ACKR3: variants seen among roughly 807,000 people sequenced by gnomAD.
ACKR3 encodes the protein C-X-C chemokine receptor type 7.
ACKR3 carries 6 observed loss-of-function variants against 22.4 expected under a neutral mutation model. The ratio of observed to expected loss-of-function variants is 0.27; its 90% confidence interval spans 0.15 to 0.53. ACKR3 has a LOEUF of 0.53. Among genes scored for constraint, ACKR3 ranks in the 20% least tolerant of loss-of-function variants. The pLI, the probability that ACKR3 is intolerant of heterozygous loss-of-function variation, is 0.96. For missense variants in ACKR3, 396 were observed against 475.2 expected, an observed-to-expected ratio of 0.83 and a Z score of 1.55; for synonymous variants, 209 against 205.2, an observed-to-expected ratio of 1.02 and a Z score of -0.16.
rs1159008782 is a variant in ACKR3 at position 236,577,764 on chromosome 2, T to C, written c.-26-2676T>C. 6.6e-6 allele frequency among the ~76,000 whole-genome samples: 1 copy of C among 152,000 alleles called. No individual in the cohort carries two copies. Among genetic ancestry groups the C allele is most frequent in the Non-Finnish European group, 1.5e-5 (1 of 68,002 alleles). On this transcript the variant is annotated intron_variant, in intron 1 of 1. Coordinates refer to ENST00000272928, the MANE Select transcript of ACKR3 (RefSeq NM_020311.3). The surrounding 1 kb of genome is among the most constrained non-coding windows in gnomAD (Gnocchi z 5.6). ...AGTTCGGGCGAACAAAGACTGAGGG[T>C]CATTTCTTTCTAGCCCCTGTGAATG...
the ACKR3 span, among the ~76,000 whole-genome samples, chr2:236,557,289 T>A: frequency 6.6e-6 from 1 of 152,006 alleles, no homozygotes; most frequent in Non-Finnish European, 1.5e-5. Context: ...TGTGCATACG[T>A]ATAGATGTCT....
upstream of ACKR3, among the ~76,000 whole-genome samples, chr2:236,568,610 C>T (rs954662126): frequency 6.6e-6 from 1 of 152,228 alleles, no homozygotes; most frequent in Non-Finnish European, 1.5e-5. Flanking sequence ...AGGTGTGCAC[C>T]TCGCCTCCCG....
the ACKR3 span, among the ~76,000 whole-genome samples, chr2:236,555,985 T>C: frequency 6.6e-6 from 1 of 152,162 alleles, no homozygotes; most frequent in Non-Finnish European, 1.5e-5. Flanking sequence ...GTCTTCCCTT[T>C]CCTTTCTCAA....
the ACKR3 span, among the ~76,000 whole-genome samples, chr2:236,537,284 G>A: frequency 4.3e-3 from 651 of 152,346 alleles, 5 homozygotes; most frequent in African/African-American, 0.015. Flanking sequence ...AAGCCCAGGG[G>A]CAGCCTGCCT....
At chr2:236,558,843 AT>A in the ACKR3 span, among the ~76,000 whole-genome samples, 1 of 152,254 alleles carries the variant, frequency 6.6e-6, no homozygotes, top group African/African-American at 2.4e-5. Context: ...AACGAAAAAA[AT>A]ATAACTATTA....
At chr2:236,576,318 C>T (rs752275528) in intron 1 of ACKR3, among the ~76,000 whole-genome samples, 1 of 152,228 alleles carries the variant, frequency 6.6e-6, no homozygotes, top group Non-Finnish European at 1.5e-5. Context: ...AGGGCTGGCC[C>T]ATCCAGATCT....
At chr2:236,547,640 C>T in the ACKR3 span, among the ~76,000 whole-genome samples, 21 of 152,118 alleles carry the variant, frequency 1.4e-4, no homozygotes, top group African/African-American at 4.6e-4. Flanking sequence ...TGCACTCATT[C>T]TTAATAGGTA....
At chr2:236,580,108 T>G (rs965081749) in intron 1 of ACKR3, among the ~76,000 whole-genome samples, 2 of 152,170 alleles carry the variant, frequency 1.3e-5, no homozygotes, top group Non-Finnish European at 2.9e-5. Context: ...TGCCTGACGT[T>G]TCTTTGGCCC....
chr2:236,537,803 C>T, the ACKR3 span, among the ~76,000 whole-genome samples: 1 of 152,236 alleles, frequency 6.6e-6, no homozygotes, highest in African/African-American at 2.4e-5. Context: ...ACCGCCTTTA[C>T]TTTTGTCTGC....
At chr2:236,539,603 G>A in the ACKR3 span, among the ~76,000 whole-genome samples, 3 of 152,014 alleles carry the variant, frequency 2.0e-5, no homozygotes, top group African/African-American at 7.2e-5. Flanking sequence ...ATGAGCATCC[G>A]CCTTGGCCTC....
chr2:236,539,651 C>T, the ACKR3 span, among the ~76,000 whole-genome samples: 4 of 152,136 alleles, frequency 2.6e-5, no homozygotes, highest in Non-Finnish European at 5.9e-5. Context: ...CCACCACATC[C>T]AGCCATTATT....
chr2:236,561,253 G>A, the ACKR3 span, among the ~76,000 whole-genome samples: 2 of 152,124 alleles, frequency 1.3e-5, no homozygotes, highest in South Asian at 2.1e-4. Context: ...TTAAAAATTT[G>A]TTGAGAGGGT....
chr2:236,574,601 G>A lies in ACKR3; in HGVS notation c.-27+4677G>A, dbSNP rs1026618957. On this transcript the variant is annotated intron_variant, in intron 1 of 1. Transcript: ENST00000272928. The surrounding 1 kb of genome is among the most constrained non-coding windows in gnomAD (Gnocchi z 5.6). The stretch of plus-strand genomic sequence containing the variant: ...GGTGCCTGAACACGTGGCATTCTCT[G>A]GAAGGAACTAACCAGCGTGAGGACA... 6.6e-6 allele frequency among the ~76,000 whole-genome samples: 1 copy of A among 152,072 alleles called. No individual in the cohort carries two copies. Among genetic ancestry groups the A allele is most frequent in the African/African-American group, 2.4e-5 (1 of 41,390 alleles).
chr2:236,578,355 A>G (rs973805894), intron 1 of ACKR3, among the ~76,000 whole-genome samples: 1 of 152,214 alleles, frequency 6.6e-6, no homozygotes. Context: ...GCTCACCTCC[A>G]TGGGCAGCCT....
the ACKR3 span, among the ~76,000 whole-genome samples, chr2:236,558,844 T>A: frequency 6.6e-6 from 1 of 152,182 alleles, no homozygotes; most frequent in Non-Finnish European, 1.5e-5. Flanking sequence ...ACGAAAAAAA[T>A]ATAACTATTA....
Position 236,580,541 on chromosome 2 carries a change from T to A in ACKR3, c.76T>A (p.Cys26Ser). Residue 26 changes from cysteine to serine, a missense_variant, in exon 2 of 2, where the codon TGC becomes AGC. Transcript: ENST00000272928. ...DISWPCNSSD[C>S]IVVDTVMCPN... ...CAGCTGGCCATGCAACAGCAGCGAC[T>A]GCATCGTGGTGGACACGGTGATGTG... 1 of 1,614,250 alleles carries A rather than the reference T, an allele frequency of 6.2e-7. No homozygotes were observed. The highest frequency in any genetic ancestry group is 1.3e-5 in the African/African-American group (1 of 75,070).
At chr2:236,571,618 GA>G (rs397988342) in intron 1 of ACKR3, among the ~76,000 whole-genome samples, 6,454 of 76,574 alleles carry the variant, frequency 0.084, 291 homozygotes, top group African/African-American at 0.23. Context: ...CTTTCTGAAT[GA>G]AAAAAAAAAA....
At chr2:236,563,754 C>A (rs73129895), upstream of ACKR3, among the ~76,000 whole-genome samples, 148 of 152,260 alleles carry the variant, frequency 9.7e-4, no homozygotes, top group African/African-American at 3.3e-3. Flanking sequence ...TTCTGATGTG[C>A]CTCCCCTCCA....
intron 1 of ACKR3, among the ~76,000 whole-genome samples, chr2:236,571,335 G>T (rs981367502): frequency 1.3e-5 from 2 of 152,166 alleles, no homozygotes; most frequent in Non-Finnish European, 2.9e-5. Context: ...CCAGGAGATT[G>T]GGGGGAGGGG....
Sources: gnomAD v4.1 joint callset for allele counts (sites outside exome capture counted in the v4.1 genomes callset) on GRCh38, gnomAD v4.1.1 for gene constraint, Gnocchi (gnomAD v3.1) non-coding constraint, MANE v1.5 for transcripts, NCBI Gene and HGNC (gene_info 2026-07-23, HGNC 2026-07-21) for gene names.